The following RPS6KC1 variants were observed in gnomAD, a reference collection of about 807,000 sequenced individuals.
The protein encoded by RPS6KC1 is ribosomal protein S6 kinase C1.
Under a neutral mutation model 103.8 loss-of-function variants are expected in RPS6KC1, and 54 were observed. That is an observed-to-expected ratio of 0.52 (90% CI 0.42 to 0.65). The LOEUF (loss-of-function observed/expected upper bound fraction) is 0.65, where lower values mean the gene tolerates loss of function less well. RPS6KC1 is among the 30% of genes least tolerant of loss of function. The pLI is 0.00. For missense variants in RPS6KC1, 1,151 were observed against 1,253.8 expected (o/e 0.92, Z 1.24); for synonymous variants, 439 against 438.7 (o/e 1.00, Z -0.01).
the RPS6KC1 span, among the ~76,000 whole-genome samples, chr1:213,759,209 A>G: frequency 6.7e-6 from 1 of 149,094 alleles, no homozygotes; most frequent in Non-Finnish European, 1.5e-5. Flanking sequence ...CTGAAGACTC[A>G]GAGGATCATT....
At chr1:213,103,947 A>G (rs61834103) in intron 3 of RPS6KC1, among the ~76,000 whole-genome samples, 5,187 of 152,300 alleles carry the variant, frequency 0.034, 122 homozygotes, top group Middle Eastern at 0.054. Context: ...TGCTGACAGC[A>G]TCACACGTTG....
At chr1:213,447,729 C>T in the RPS6KC1 span, among the ~76,000 whole-genome samples, 1 of 152,246 alleles carries the variant, frequency 6.6e-6, no homozygotes, top group Admixed American at 6.5e-5. Context: ...GAATGATTCC[C>T]AGACTTATGC....
chr1:213,463,709 T>C, the RPS6KC1 span, among the ~76,000 whole-genome samples: 1 of 152,178 alleles, frequency 6.6e-6, no homozygotes, highest in Admixed American at 6.5e-5. Context: ...AATTTTATGC[T>C]GAGTTTTTGG....
the RPS6KC1 span, among the ~76,000 whole-genome samples, chr1:213,524,274 C>T: frequency 2.6e-5 from 4 of 152,200 alleles, no homozygotes; most frequent in Admixed American, 6.5e-5. Context: ...ATCTTCTTCC[C>T]TGCTCCTCAC....
the RPS6KC1 span, among the ~76,000 whole-genome samples, chr1:213,733,390 C>A: frequency 6.6e-6 from 1 of 151,908 alleles, no homozygotes; most frequent in African/African-American, 2.4e-5. Context: ...CAGGCATATG[C>A]CACCACAGCC....
intron 1 of RPS6KC1, among the ~76,000 whole-genome samples, chr1:213,062,605 G>T (rs1157332171): frequency 6.6e-6 from 1 of 151,456 alleles, no homozygotes; most frequent in East Asian, 1.9e-4. Flanking sequence ...TCACCAGGCT[G>T]GAGTACAGTG....
At chr1:213,575,579 T>C in the RPS6KC1 span, among the ~76,000 whole-genome samples, 240 of 152,324 alleles carry the variant, frequency 1.6e-3, 5 homozygotes, top group East Asian at 0.034. Flanking sequence ...TGAAGAAGGA[T>C]GTGTTTGCTT....
the RPS6KC1 span, among the ~76,000 whole-genome samples, chr1:213,817,374 A>AT: frequency 6.6e-6 from 1 of 152,230 alleles, no homozygotes; most frequent in Admixed American, 6.5e-5. Flanking sequence ...TTATATTATA[A>AT]TTAAGGTTTT....
the RPS6KC1 span, among the ~76,000 whole-genome samples, chr1:213,756,828 T>C: frequency 6.6e-6 from 1 of 152,028 alleles, no homozygotes; most frequent in Non-Finnish European, 1.5e-5. Context: ...CAGGCTGGTC[T>C]CGAACTCCTG....
chr1:213,418,928 T>C, the RPS6KC1 span, among the ~76,000 whole-genome samples: 113,764 of 152,232 alleles, frequency 0.75, 42,651 homozygotes, highest in Admixed American at 0.77. Context: ...CGGGGTCTCC[T>C]GGGGCTCCCT....
chr1:213,065,017 C>T (rs2078196617), intron 1 of RPS6KC1, among the ~76,000 whole-genome samples: 1 of 124,104 alleles, frequency 8.1e-6, no homozygotes, highest in Non-Finnish European at 1.6e-5. Context: ...TGCTCCGTTG[C>T]CCAGGTTGGA....
chr1:213,615,673 C>G, the RPS6KC1 span, among the ~76,000 whole-genome samples: 1 of 152,260 alleles, frequency 6.6e-6, no homozygotes, highest in Non-Finnish European at 1.5e-5. Flanking sequence ...ACCGTGTGTT[C>G]CACAGAACGC....
the RPS6KC1 span, among the ~76,000 whole-genome samples, chr1:213,354,654 C>A: frequency 1.1e-4 from 17 of 152,182 alleles, no homozygotes; most frequent in Non-Finnish European, 2.4e-4. Flanking sequence ...TAAGGCAGTG[C>A]AGGACAACAC....
At chr1:213,861,419 C>T in the RPS6KC1 span, among the ~76,000 whole-genome samples, 4 of 152,162 alleles carry the variant, frequency 2.6e-5, no homozygotes, top group Non-Finnish European at 5.9e-5. Context: ...GCTCTGTCCC[C>T]TCTCTCAATA....
chr1:213,646,832 T>C, the RPS6KC1 span, among the ~76,000 whole-genome samples: 3 of 151,984 alleles, frequency 2.0e-5, no homozygotes, highest in East Asian at 5.8e-4. Context: ...TTATAAAAAG[T>C]GACTCCAGAA....
chr1:213,660,016 CG>C, the RPS6KC1 span, among the ~76,000 whole-genome samples: 22 of 152,182 alleles, frequency 1.4e-4, no homozygotes, highest in East Asian at 5.8e-4. Context: ...TACCTAGAGC[CG>C]GGTGTGTGTC....
chr1:213,654,955 G>C, the RPS6KC1 span, among the ~76,000 whole-genome samples: 1 of 152,206 alleles, frequency 6.6e-6, no homozygotes, highest in Non-Finnish European at 1.5e-5. Flanking sequence ...TTCTTGAGGG[G>C]CAAAATCTCT....
chr1:213,059,733 C>T (rs2077656455), intron 1 of RPS6KC1, among the ~76,000 whole-genome samples: 2 of 151,682 alleles, frequency 1.3e-5, no homozygotes, highest in African/African-American at 2.4e-5. Context: ...AGTGCAATGG[C>T]GTGATCTTGG....
At chr1:213,748,850 T>G in the RPS6KC1 span, among the ~76,000 whole-genome samples, 2 of 152,328 alleles carry the variant, frequency 1.3e-5, no homozygotes, top group South Asian at 2.1e-4. Context: ...CTGACTAACA[T>G]GTTTACTGAC....
Sources: gnomAD v4.1 joint callset for allele counts (sites outside exome capture counted in the v4.1 genomes callset) on GRCh38, gnomAD v4.1.1 for gene constraint, MANE v1.5 for transcripts, NCBI Gene and HGNC (gene_info 2026-07-23, HGNC 2026-07-21) for gene names.